SRGAP2: variants seen among roughly 807,000 people sequenced by gnomAD.
SRGAP2 encodes the protein SLIT-ROBO Rho GTPase activating protein 2.
Under a neutral mutation model 57.2 loss-of-function variants are expected in SRGAP2, and 15 were observed. The ratio of observed to expected loss-of-function variants is 0.26; its 90% CI spans 0.18 to 0.40. The LOEUF (loss-of-function observed/expected upper bound fraction) is 0.40. Ranked by LOEUF, SRGAP2 falls within the 10% of genes least tolerant of loss-of-function variation. The pLI, the probability that SRGAP2 is intolerant of heterozygous loss-of-function variation, is 1.00. For missense variants in SRGAP2, 520 were observed against 669.6 expected, an observed-to-expected ratio of 0.78 and a Z score of 2.47; for synonymous variants, 249 against 248.0, an observed-to-expected ratio of 1.00 and a Z score of -0.04.
intron 10 of SRGAP2, among the ~76,000 whole-genome samples, chr1:206,412,730 A>G (rs1466684718): frequency 2.0e-5 from 3 of 152,224 alleles, no homozygotes; most frequent in African/African-American, 7.2e-5. Context: ...TGTCTGTCCA[A>G]CAGCAACAGA....
At chr1:206,353,217 C>G (rs1268443363) in intron 4 of SRGAP2, among the ~76,000 whole-genome samples, 1 of 152,122 alleles carries the variant, frequency 6.6e-6, no homozygotes, top group Non-Finnish European at 1.5e-5. Flanking sequence ...TCTGTCCCAT[C>G]TCTCCTTCCT....
chr1:206,386,999 G>C (rs1367582350), intron 5 of SRGAP2, among the ~76,000 whole-genome samples: 2 of 149,658 alleles, frequency 1.3e-5, no homozygotes, highest in African/African-American at 4.9e-5. Context: ...GGTGGTGGGC[G>C]CCTATAGTCC....
intron 3 of SRGAP2, among the ~76,000 whole-genome samples, chr1:206,340,437 A>T (rs1187167315): frequency 3.3e-5 from 5 of 150,222 alleles, no homozygotes; most frequent in Non-Finnish European, 5.9e-5. Flanking sequence ...TTTAAGATAC[A>T]AATGTGTGTA....
rs1671984961 is a variant in SRGAP2 at position 206,303,394 on chromosome 1, A to G, written c.181A>G (p.Met61Val). ...DFFRKKAEIEMDYSRNLEKLA... is the reference protein window; with the variant it reads ...DFFRKKAEIEVDYSRNLEKLA... ...CTTCCGAAAGAAGGCAGAGATTGAG[A>G]TGGACTACTCCCGCAACCTGGAGAA... is the stretch of plus-strand genomic sequence containing the variant. The change falls in exon 3 of 23, where the codon ATG (methionine) becomes GTG (valine). Residue 61 changes from methionine (M) to valine (V), a missense_variant. By Grantham distance (21) the Met-to-Val change is conservative. Coordinates refer to ENST00000573034, the MANE Select transcript of SRGAP2 (RefSeq NM_015326.5). 2 of 1,545,108 alleles carry G rather than the reference A, an allele frequency of 1.3e-6. No homozygotes were observed. The highest frequency in any genetic ancestry group is 1.4e-5 in the African/African-American group (1 of 72,512).
At chr1:206,239,134 C>T (rs575049605) in intron 2 of SRGAP2, among the ~76,000 whole-genome samples, 19 of 149,342 alleles carry the variant, frequency 1.3e-4, no homozygotes, top group Non-Finnish European at 1.9e-4. Context: ...TACAAACCCA[C>T]TCACTGCCAG....
intron 3 of SRGAP2, among the ~76,000 whole-genome samples, chr1:206,314,138 T>G (rs1488361358): frequency 1.0e-4 from 15 of 149,982 alleles, no homozygotes; most frequent in Non-Finnish European, 2.1e-4. Context: ...GTTGTTGTTG[T>G]TTGGGTTTTT....
At chr1:206,365,420 G>T (rs190774150) in intron 4 of SRGAP2, among the ~76,000 whole-genome samples, 5 of 152,234 alleles carry the variant, frequency 3.3e-5, no homozygotes, top group Admixed American at 2.0e-4. Context: ...GCTTAAACTG[G>T]CAGGCAGATG....
At chr1:206,437,163 G>T (rs923279557) in intron 15 of SRGAP2, 121 bp downstream of exon 15, 33 of 717,346 alleles carry the variant, frequency 4.6e-5, no homozygotes, top group Non-Finnish European at 7.5e-5. Context: ...GTCTCTTCAG[G>T]GGGTACCTGC....
intron 4 of SRGAP2, among the ~76,000 whole-genome samples, chr1:206,356,506 C>G (rs1293648269): frequency 2.0e-5 from 3 of 152,144 alleles, no homozygotes; most frequent in Non-Finnish European, 4.4e-5. Context: ...CTCATGCATT[C>G]TGCAGTCATA....
In SRGAP2 at chr1:206,375,178, A is replaced by C. The variant is rs76306593; in HGVS notation, c.424-8836A>C. ...TGGCTCTTTCCCCCGATTCTCTCCC[A>C]GTTCCAAGCCATTGATTGTTTTTCC... On this transcript the variant is annotated intron_variant, in intron 4 of 22. Coordinates refer to ENST00000573034, the MANE Select transcript of SRGAP2 (RefSeq NM_015326.5). 9.8e-3 allele frequency among the ~76,000 whole-genome samples: 1,485 copies of C among 151,126 alleles called. 16 individuals carry two copies. Among genetic ancestry groups the C allele is most frequent in the Middle Eastern group, 0.027 (8 of 292 alleles).
rs1553351837 is a variant in SRGAP2 at position 206,393,528 on chromosome 1, T to G, written c.703-17T>G. The G allele has an allele frequency of 1.3e-6, 1 of 773,374 alleles. No individual in the cohort carries two copies. The highest frequency in any genetic ancestry group is 1.7e-5 in the African/African-American group (1 of 58,766). The allele number at this position is 773,374 out of a possible 1,614,324, so 47.9% of individuals were successfully genotyped here. On this transcript the variant is annotated splice_polypyrimidine_tract_variant and intron_variant, in intron 6 of 22. Transcript: ENST00000573034. ...TAAAAAAAAAAAGGTAAAAGTGAACTTCTGTTTCCTTTTCAGCGTCAAGCC... is the reference window on the plus strand; with the variant it reads ...TAAAAAAAAAAAGGTAAAAGTGAACGTCTGTTTCCTTTTCAGCGTCAAGCC...
chr1:206,390,936 C>T (rs1212541256), intron 5 of SRGAP2, among the ~76,000 whole-genome samples: 1 of 152,090 alleles, frequency 6.6e-6, no homozygotes, highest in Non-Finnish European at 1.5e-5. Flanking sequence ...GTCAGTGTCC[C>T]AGTATTCTTT....
intron 2 of SRGAP2, among the ~76,000 whole-genome samples, chr1:206,268,201 C>T (rs1332883067): frequency 6.6e-6 from 1 of 150,464 alleles, no homozygotes; most frequent in African/African-American, 2.5e-5. Flanking sequence ...TCTTCATTTA[C>T]AATAAGTATA....
chr1:206,263,105 C>G lies in SRGAP2; in HGVS notation c.68-40176C>G, dbSNP rs1669668706. ...CCTATAAAGGTTCTCCTGATAGTGC[C>G]ACTTGATTACTGATTTTGAAAAGCC... On this transcript the variant is annotated intron_variant, in intron 2 of 22. Coordinates refer to ENST00000573034, the MANE Select transcript of SRGAP2 (RefSeq NM_015326.5). Among the ~76,000 whole-genome samples, 3 of 149,212 alleles carry G rather than the reference C, an allele frequency of 2.0e-5. No homozygotes were observed. In the South Asian group the frequency reaches 6.5e-4, roughly 32 times the overall value.
At chr1:206,401,152 G>A (rs781881395) in intron 7 of SRGAP2, among the ~76,000 whole-genome samples, 12 of 152,338 alleles carry the variant, frequency 7.9e-5, no homozygotes, top group Middle Eastern at 3.4e-3. Context: ...TGTTTATGAA[G>A]TAGCGCTTAA....
At chr1:206,348,058 C>T in intron 4 of SRGAP2, among the ~76,000 whole-genome samples, 1 of 147,388 alleles carries the variant, frequency 6.8e-6, no homozygotes, top group Non-Finnish European at 1.5e-5. Context: ...CTATTGAACC[C>T]CCTTAAGGGA....
intron 2 of SRGAP2, among the ~76,000 whole-genome samples, chr1:206,240,260 C>A (rs543775284): frequency 9.3e-6 from 1 of 107,374 alleles, no homozygotes; most frequent in Non-Finnish European, 1.8e-5. Flanking sequence ...AGTGAGACAA[C>A]GTCTCAAAAA....
chr1:206,426,642 T>A (rs1553366417), intron 13 of SRGAP2, among the ~76,000 whole-genome samples: 1 of 152,238 alleles, frequency 6.6e-6, no homozygotes, highest in Non-Finnish European at 1.5e-5. Flanking sequence ...CAGCATTTGT[T>A]ATTTTTTGGC....
chr1:206,359,698 A>G lies in SRGAP2; in HGVS notation c.423+16690A>G, dbSNP rs1465472482. 9.3e-3 allele frequency among the ~76,000 whole-genome samples: 1,249 copies of G among 134,322 alleles called. 19 individuals are homozygous for G. The highest frequency in any genetic ancestry group is 0.034 in the African/African-American group (1,166 of 34,672). 88.1% of individuals were successfully genotyped at this position (134,322 alleles called of 152,430 possible). A position where few individuals can be genotyped will look rare whatever the true frequency, so the allele number is the denominator to read the frequency against. On this transcript the variant is annotated intron_variant, in intron 4 of 22. Coordinates refer to ENST00000573034, the MANE Select transcript of SRGAP2 (RefSeq NM_015326.5). ...TTGCCTTCATGGAGCTTATATTCTA[A>G]TAGTTGAAACAGATAATACATAAAA...
Sources: allele counts gnomAD v4.1 joint callset (sites outside exome capture counted in the v4.1 genomes callset), GRCh38; gene constraint gnomAD v4.1.1; transcripts MANE v1.5; gene names NCBI Gene and HGNC (gene_info 2026-07-23, HGNC 2026-07-21).